Variants in SESN2 observed in about 807,000 individuals in gnomAD.
The protein encoded by SESN2 is sestrin-2.
Under a neutral mutation model 56.0 loss-of-function variants are expected in SESN2, and 42 were observed. The observed-to-expected ratio is 0.75, with a 90% CI of 0.59 to 0.97. The LOEUF (loss-of-function observed/expected upper bound fraction) is 0.97, where lower values mean the gene tolerates loss of function less well. SESN2 is among the 50% of genes least tolerant of loss of function. SESN2 has a pLI of 0.00. For missense variants in SESN2, 507 were observed against 649.4 expected, an observed-to-expected ratio of 0.78 and a Z score of 2.38; for synonymous variants, 264 against 267.1, an observed-to-expected ratio of 0.99 and a Z score of 0.11.
intron 9 of SESN2, among the ~76,000 whole-genome samples, chr1:28,280,012 A>G (rs904735083): frequency 5.9e-5 from 9 of 151,786 alleles, no homozygotes; most frequent in Non-Finnish European, 1.3e-4. Context: ...GATTTTTTAA[A>G]TTCCTAGTAG....
At chr1:28,276,568 T>TC (rs1648050416) in intron 8 of SESN2, among the ~76,000 whole-genome samples, 1 of 146,026 alleles carries the variant, frequency 6.8e-6, no homozygotes, top group Non-Finnish European at 1.5e-5. Context: ...TCTTTTTCTT[T>TC]CCTTTTTTTT....
At chr1:28,269,071 G>C in intron 1 of SESN2, 112 bp from the exon 2 acceptor site, 1 of 635,214 alleles carries the variant, frequency 1.6e-6, no homozygotes, top group Admixed American at 2.9e-5. Context: ...TGCTAGAAAG[G>C]TGGGTTTAAC....
intron 1 of SESN2, among the ~76,000 whole-genome samples, chr1:28,261,404 G>A (rs571615576): frequency 6.6e-6 from 1 of 152,312 alleles, no homozygotes; most frequent in East Asian, 1.9e-4. Context: ...CTGCTAACTT[G>A]CAGTGTGTGG....
intron 8 of SESN2, among the ~76,000 whole-genome samples, chr1:28,277,264 G>A (rs1208268704): frequency 6.6e-6 from 1 of 150,444 alleles, no homozygotes; most frequent in African/African-American, 2.5e-5. Context: ...GTAGAGTGGA[G>A]TGATCTCAGC....
At chr1:28,267,788 T>A (rs1647609473) in intron 1 of SESN2, among the ~76,000 whole-genome samples, 1 of 152,176 alleles carries the variant, frequency 6.6e-6, no homozygotes, top group South Asian at 2.1e-4. Context: ...AAACAGTTGC[T>A]CCCATCAGCC....
Position 28,272,738 on chromosome 1 carries a change from C to T in SESN2, c.695C>T (p.Thr232Ile), listed in dbSNP as rs1414130156. Residue 232 changes from threonine (T) to isoleucine (I), a missense_variant, in exon 5 of 10, where the codon ACA (threonine) becomes ATA (isoleucine). Physicochemically the swap from Thr to Ile is moderately conservative, Grantham distance 89. Transcript: ENST00000253063. ...ADGSPAPQAP[T>I]PPSEQSSPPS... ...GGCAGCCCTGCCCCCCAGGCACCTA[C>T]ACCCCCTAGTGAACAGAGCAGCCCC... 16 of 1,612,516 alleles carry T rather than the reference C, an allele frequency of 9.9e-6. No individual in the cohort carries two copies. The highest frequency in any genetic ancestry group is 1.3e-5 in the African/African-American group (1 of 75,026).
chr1:28,262,128 C>T (rs1222912596), intron 1 of SESN2, among the ~76,000 whole-genome samples: 1 of 152,094 alleles, frequency 6.6e-6, no homozygotes, highest in African/African-American at 2.4e-5. Context: ...AGAGGACCTT[C>T]GGACGGTTTC....
At chr1:28,264,190 A>T (rs1647481209) in intron 1 of SESN2, among the ~76,000 whole-genome samples, 1 of 152,024 alleles carries the variant, frequency 6.6e-6, no homozygotes, top group East Asian at 1.9e-4. Flanking sequence ...TTGGTGGCGC[A>T]TGCCTATACT....
At chr1:28,275,780 G>A (rs755891976) in intron 8 of SESN2, among the ~76,000 whole-genome samples, 4 of 151,466 alleles carry the variant, frequency 2.6e-5, no homozygotes, top group Admixed American at 1.3e-4. Flanking sequence ...GAGGCCAGGC[G>A]CGGTGGCTCA....
intron 8 of SESN2, among the ~76,000 whole-genome samples, 164 bp downstream of exon 8, chr1:28,275,179 T>C (rs1345922888): frequency 6.6e-6 from 1 of 152,188 alleles, no homozygotes; most frequent in Non-Finnish European, 1.5e-5. Context: ...ACTCATTGTT[T>C]GAACGTTGTA....
intron 1 of SESN2, among the ~76,000 whole-genome samples, chr1:28,260,512 G>A (rs1572089015): frequency 1.3e-5 from 2 of 152,290 alleles, no homozygotes; most frequent in South Asian, 2.1e-4. Context: ...AGAGCGCAGG[G>A]GCTCTGGGGG....
intron 8 of SESN2, 58 bp from the exon 9 acceptor site, chr1:28,279,039 G>T: frequency 6.3e-7 from 1 of 1,581,586 alleles, no homozygotes. Context: ...GGGTTGCGGG[G>T]AGGGAGCTGC....
chr1:28,259,951 G>C lies in SESN2; in HGVS notation c.90+14G>C. The C allele has an allele frequency of 1.3e-6, 2 of 1,493,172 alleles. No individual in the cohort carries two copies. The allele number at this position is 1,493,172 out of a possible 1,614,324, so 92.5% of individuals were successfully genotyped here. ...GGCCCCGGAGAGGTAAGCGGCGGCC[G>C]CGCGACGCCCCTCTTCCCTGGAACC... On this transcript the variant is annotated intron_variant, in intron 1 of 9. Coordinates refer to ENST00000253063, the MANE Select transcript of SESN2 (RefSeq NM_031459.5).
At chr1:28,265,931 A>C (rs919071697) in intron 1 of SESN2, among the ~76,000 whole-genome samples, 6 of 151,012 alleles carry the variant, frequency 4.0e-5, no homozygotes, top group African/African-American at 1.5e-4. Flanking sequence ...AATATTGCAC[A>C]CTCTCCCTCC....
intron 9 of SESN2, 57 bp downstream of exon 9, chr1:28,279,298 G>T (rs1648155812): frequency 3.1e-6 from 5 of 1,598,912 alleles, no homozygotes; most frequent in Non-Finnish European, 4.3e-6. Flanking sequence ...CAGTGGAGAG[G>T]GCAAGGGGTT....
Position 28,274,941 on chromosome 1 carries a change from C to G in SESN2, c.1137C>G (p.Ala379=), listed in dbSNP as rs577828268. The G allele has an allele frequency of 6.8e-6, 11 of 1,614,178 alleles. No homozygotes were observed. In the South Asian group the frequency reaches 1.1e-4, roughly 16 times the overall value. Residue 379 remains alanine, a synonymous_variant, in exon 8 of 10, where the codon GCC becomes GCG. Transcript: ENST00000253063. The stretch of plus-strand genomic sequence containing the variant: ...ATAGCCTCACCTACAATACCATCGC[C>G]ATGCACAGTGGTGTGGACACCTCCG... ...AAYSLTYNTI[A]MHSGVDTSVL... is the part of the protein sequence containing the mutation.
At chr1:28,276,897 TA>T (rs1240202061) in intron 8 of SESN2, among the ~76,000 whole-genome samples, 38 of 133,934 alleles carry the variant, frequency 2.8e-4, no homozygotes, top group African/African-American at 9.6e-4. Flanking sequence ...TTTTTTTTTT[TA>T]ATTTATTTAT....
intron 1 of SESN2, among the ~76,000 whole-genome samples, chr1:28,260,279 T>A (rs941808012): frequency 2.6e-5 from 4 of 152,060 alleles, no homozygotes; most frequent in African/African-American, 9.7e-5. Context: ...TTTGGGCTCC[T>A]GAGCGTCTTC....
intron 1 of SESN2, among the ~76,000 whole-genome samples, chr1:28,260,429 G>T (rs1647334792): frequency 1.3e-5 from 2 of 152,100 alleles, no homozygotes; most frequent in South Asian, 2.1e-4. Flanking sequence ...CCCCAGCGCG[G>T]GGCGTAGGCA....
Sources: gnomAD v4.1 joint callset for allele counts (sites outside exome capture counted in the v4.1 genomes callset) on GRCh38, gnomAD v4.1.1 for gene constraint, MANE v1.5 for transcripts, NCBI Gene and HGNC (gene_info 2026-07-23, HGNC 2026-07-21) for gene names.